Variants in FBXO34 observed in about 807,000 individuals in gnomAD.
The protein encoded by FBXO34 is F-box only protein 34.
In FBXO34, 12 loss-of-function variants were observed where a neutral mutation model predicts 24.5. The ratio of observed to expected loss-of-function variants is 0.49; its 90% confidence interval spans 0.31 to 0.79. The LOEUF is 0.79. Among genes scored for constraint, FBXO34 ranks in the 30% least tolerant of loss-of-function variants. FBXO34 has a pLI of 0.04. For missense variants in FBXO34, 823 were observed against 857.7 expected (o/e 0.96, Z 0.51); for synonymous variants, 320 against 311.9 (o/e 1.03, Z -0.27).
chr14:55,313,769 GC>G (rs1373231852), intron 1 of FBXO34, among the ~76,000 whole-genome samples: 3 of 152,130 alleles, frequency 2.0e-5, no homozygotes, highest in Admixed American at 6.5e-5. Context: ...CATGAGAACA[GC>G]ATGGGGGAAA....
the FBXO34 span, among the ~76,000 whole-genome samples, chr14:55,396,241 T>C: frequency 6.6e-6 from 1 of 152,220 alleles, no homozygotes; most frequent in Non-Finnish European, 1.5e-5. Flanking sequence ...TTAGCCTTTG[T>C]CCTCAGTCAT....
chr14:55,417,814 C>A, the FBXO34 span, among the ~76,000 whole-genome samples: 1 of 152,282 alleles, frequency 6.6e-6, no homozygotes, highest in African/African-American at 2.4e-5. Flanking sequence ...CCATTCCTAA[C>A]CTTGGTGACT....
Position 55,308,474 on chromosome 14 carries a change from G to T in FBXO34, c.-11+36937G>T, listed in dbSNP as rs578110597. Among the ~76,000 whole-genome samples the T allele has an allele frequency of 2.6e-5, 4 of 152,290 alleles. No individual in the cohort carries two copies. In the South Asian group the frequency reaches 6.2e-4, roughly 24 times the overall value. ...ATGGATTTTAAAATTTGGTTTTCAT[G>T]TTAAGGTTCTTCCATAGTCGGGTTA... is the stretch of plus-strand genomic sequence containing the variant. On this transcript the variant is annotated intron_variant, in intron 1 of 1. Transcript: ENST00000313833.
At chr14:55,349,639 G>A (rs1456425234) in intron 1 of FBXO34, among the ~76,000 whole-genome samples, 4 of 112,700 alleles carry the variant, frequency 3.5e-5, no homozygotes, top group Non-Finnish European at 7.1e-5. Context: ...ACAAAGTCTC[G>A]CTCTGTTGCC....
intron 1 of FBXO34, among the ~76,000 whole-genome samples, chr14:55,347,833 A>G (rs878932365): frequency 6.6e-6 from 1 of 152,258 alleles, no homozygotes; most frequent in African/African-American, 2.4e-5. Context: ...GCAATGCACA[A>G]TGGCGCACAT....
At chr14:55,414,588 T>A in the FBXO34 span, 1 of 636,716 alleles carries the variant, frequency 1.6e-6, no homozygotes, top group African/African-American at 1.9e-5. Flanking sequence ...AGAAATGGCA[T>A]TTATTCCGGG....
the FBXO34 span, among the ~76,000 whole-genome samples, chr14:55,441,121 C>T: frequency 1.3e-5 from 2 of 152,170 alleles, no homozygotes; most frequent in African/African-American, 4.8e-5. Flanking sequence ...GCTGGGATTA[C>T]AGGCGTGAGC....
chr14:55,338,084 C>G (rs1230286097), intron 1 of FBXO34, among the ~76,000 whole-genome samples: 1 of 66,998 alleles, frequency 1.5e-5, no homozygotes, highest in Non-Finnish European at 2.9e-5. Flanking sequence ...GAGTCTCGCT[C>G]TGTCGCCCAG....
At position 55,288,650 on chromosome 14, in the gene FBXO34, C is replaced by T. The variant is rs17128379; in HGVS notation, c.-11+17113C>T. ...CTGTACTCCTCTAGCAAGAAAGAAC[C>T]TTTTGTAATGATTTCTTCAGTTAAT... On this transcript the variant is annotated intron_variant, in intron 1 of 1. Coordinates refer to ENST00000313833, the MANE Select transcript of FBXO34 (RefSeq NM_017943.4). Among the ~76,000 whole-genome samples, 1,418 of 152,194 alleles carry T rather than the reference C, an allele frequency of 9.3e-3. 31 individuals carry two copies. Among genetic ancestry groups the T allele is most frequent in the African/African-American group, 0.033 (1,369 of 41,524 alleles).
the FBXO34 span, among the ~76,000 whole-genome samples, chr14:55,413,125 T>G: frequency 6.6e-6 from 1 of 152,214 alleles, no homozygotes; most frequent in East Asian, 1.9e-4. Flanking sequence ...ACACTAAACT[T>G]GAATGGTTCC....
intron 1 of FBXO34, among the ~76,000 whole-genome samples, chr14:55,290,038 T>G (rs117918662): frequency 7.9e-5 from 12 of 152,268 alleles, no homozygotes; most frequent in Non-Finnish European, 1.8e-4. Flanking sequence ...GGAGGGTGAT[T>G]TAGGGCTCAT....
chr14:55,328,488 G>A (rs758316785), intron 1 of FBXO34, among the ~76,000 whole-genome samples: 5 of 152,232 alleles, frequency 3.3e-5, no homozygotes, highest in Non-Finnish European at 5.9e-5. Context: ...CCTAGACAGC[G>A]TGGATGCCCT....
downstream of FBXO34, among the ~76,000 whole-genome samples, chr14:55,363,823 G>A (rs942940670): frequency 2.0e-5 from 3 of 151,234 alleles, no homozygotes; most frequent in Non-Finnish European, 4.4e-5. Flanking sequence ...TTCTTCCAAT[G>A]TGGCCCACAG....
At chr14:55,400,132 G>A in the FBXO34 span, among the ~76,000 whole-genome samples, 3 of 152,146 alleles carry the variant, frequency 2.0e-5, no homozygotes, top group Non-Finnish European at 2.9e-5. Context: ...AACCACATGC[G>A]TGGGTCAGGG....
chr14:55,274,081 G>A (rs1428316759), intron 1 of FBXO34, among the ~76,000 whole-genome samples: 1 of 152,204 alleles, frequency 6.6e-6, no homozygotes, highest in African/African-American at 2.4e-5. Flanking sequence ...TGGGACTACA[G>A]GTGTGAGCCA....
At chr14:55,423,518 A>G in the FBXO34 span, among the ~76,000 whole-genome samples, 1 of 152,246 alleles carries the variant, frequency 6.6e-6, no homozygotes. Flanking sequence ...GTTTGATTCA[A>G]TAACATGTTA....
intron 1 of FBXO34, among the ~76,000 whole-genome samples, chr14:55,274,028 A>G (rs1249564811): frequency 6.6e-6 from 1 of 151,650 alleles, no homozygotes; most frequent in Non-Finnish European, 1.5e-5. Flanking sequence ...CTGGTCATGA[A>G]CTCCTGACCT....
At chr14:55,390,246 T>C in the FBXO34 span, among the ~76,000 whole-genome samples, 1 of 150,984 alleles carries the variant, frequency 6.6e-6, no homozygotes, top group African/African-American at 2.4e-5. Context: ...AATTTTTGTA[T>C]TTTTAGTAGA....
downstream of FBXO34, among the ~76,000 whole-genome samples, chr14:55,354,056 G>A (rs186230319): frequency 5.9e-5 from 9 of 152,346 alleles, no homozygotes; most frequent in East Asian, 1.7e-3. Flanking sequence ...AGGCTGTGGA[G>A]AAGGATGGTA....
Sources: gnomAD v4.1 joint callset for allele counts (sites outside exome capture counted in the v4.1 genomes callset) on GRCh38, gnomAD v4.1.1 for gene constraint, MANE v1.5 for transcripts, NCBI Gene and HGNC (gene_info 2026-07-23, HGNC 2026-07-21) for gene names.